ZNF479: variants seen among roughly 807,000 people sequenced by gnomAD.
ZNF479 encodes zinc finger protein 479.
Under a neutral mutation model 14.7 loss-of-function variants are expected in ZNF479, and 15 were observed. The ratio of observed to expected loss-of-function variants is 1.02; its 90% confidence interval spans 0.68 to 1.57. The LOEUF (loss-of-function observed/expected upper bound fraction) is 1.57. Ranked by LOEUF, ZNF479 falls within the 40% of genes most tolerant of loss-of-function variation. The probability of loss-of-function intolerance (pLI) is 0.00; values close to 1 mark genes in which losing one functional copy is unlikely to be tolerated. For missense variants in ZNF479, 506 were observed against 615.1 expected (o/e 0.82, Z 1.88); for synonymous variants, 145 against 211.5 (o/e 0.69, Z 2.73).
At position 57,119,479 on chromosome 7, in the gene ZNF479, C is replaced by T. The variant is rs1172150369; in HGVS notation, c.*361G>A. ...ACAAATCAGCCAGTGTGGTGGCACA[C>T]GCCTGTAATCCCAGCTACTCAGGAG... On this transcript the variant is annotated 3_prime_UTR_variant, in exon 4 of 4. Transcript: ENST00000319636. 14 of 215,330 alleles carry T rather than the reference C, an allele frequency of 6.5e-5. No homozygotes were observed. The highest frequency in any genetic ancestry group is 2.0e-3 in the Middle Eastern group (1 of 492). 13.3% of individuals were successfully genotyped at this position (215,330 alleles called of 1,614,324 possible).
intron 3 of ZNF479, among the ~76,000 whole-genome samples, chr7:57,122,854 T>A (rs1273951536): frequency 1.3e-5 from 2 of 152,100 alleles, no homozygotes; most frequent in Admixed American, 6.6e-5. Context: ...TCTATATGTA[T>A]ATGCATATAT....
chr7:57,129,743 T>C (rs1379878196), intron 1 of ZNF479, among the ~76,000 whole-genome samples: 2 of 152,208 alleles, frequency 1.3e-5, no homozygotes, highest in Non-Finnish European at 1.5e-5. Flanking sequence ...GAATAATTTT[T>C]AGCATTTGGA....
upstream of ZNF479, among the ~76,000 whole-genome samples, chr7:57,135,493 A>G (rs1583951440): frequency 6.6e-6 from 1 of 151,896 alleles, no homozygotes; most frequent in African/African-American, 2.4e-5. Context: ...GCTCACTGCA[A>G]CCTCCACCTC....
In ZNF479 at chr7:57,127,015, C is replaced by CTTTTTTTTTTTT. The variant is rs1175973407; in HGVS notation, c.40-298_40-297insAAAAAAAAAAAA. On this transcript the variant is annotated intron_variant, in intron 1 of 3. Transcript: ENST00000319636. ...ACATGTCTTTTTCTTTTCTGTTTTT[C>CTTTTTTTTTTTT]TTTTTTTTTTCTTTTTTTTTTTTTT... Among the ~76,000 whole-genome samples the CTTTTTTTTTTTT allele has an allele frequency of 2.3e-5, 3 of 130,344 alleles. 1 individual carries two copies. The highest frequency in any genetic ancestry group is 3.4e-5 in the Non-Finnish European group (2 of 59,624). 85.5% of individuals were successfully genotyped at this position (130,344 alleles called of 152,430 possible). A position where few individuals can be genotyped will look rare whatever the true frequency, so the allele number is the denominator to read the frequency against.
At chr7:57,137,424 C>G (rs781743049), upstream of ZNF479, among the ~76,000 whole-genome samples, 9 of 152,140 alleles carry the variant, frequency 5.9e-5, no homozygotes, top group Non-Finnish European at 1.3e-4. Flanking sequence ...CTCGGACTCC[C>G]AAAGTGCTAC....
rs1232026065 is a variant in ZNF479 at position 57,126,668 on chromosome 7, C to T, written c.90G>A (p.Trp30Ter). 2 of 1,613,096 alleles carry T rather than the reference C, an allele frequency of 1.2e-6. No individual in the cohort carries two copies. Among genetic ancestry groups the T allele is most frequent in the African/African-American group, 1.3e-5 (1 of 74,918 alleles). ...TCCGCTGAGCACAATCCAGGCATTG[C>T]CATTCCTCCAGAGAGAATTCTATAG... Reference protein sequence around the residue: ...DIAIEFSLEEWQCLDCAQRNL... With the variant: ...DIAIEFSLEE Residue 30 changes from tryptophan (W) to a stop codon, truncating the protein, a stop_gained, in exon 2 of 4, where the codon TGG (tryptophan) becomes TGA (stop). Transcript: ENST00000319636. LOFTEE classifies it high-confidence loss of function.
chr7:57,130,572 T>C (rs1230115899), intron 1 of ZNF479, among the ~76,000 whole-genome samples: 3 of 151,400 alleles, frequency 2.0e-5, no homozygotes, highest in Non-Finnish European at 4.4e-5. Flanking sequence ...ATAATTCAAA[T>C]AAAAACAATT....
In ZNF479 at chr7:57,120,975, T is replaced by G. The variant is rs1554400469; in HGVS notation, c.440A>C (p.Gln147Pro). ...VHKGGYSEVNQCLSTTQNKIF... is the reference protein window; with the variant it reads ...VHKGGYSEVNPCLSTTQNKIF... ...TTTGTTTTGGGTAGTTGACAAACAT[T>G]GGTTAACTTCACTATAACCTCCCTT... Residue 147 changes from glutamine (Q) to proline (P), a missense_variant, in exon 4 of 4, where the codon CAA becomes CCA. Transcript: ENST00000319636. 1.9e-6 allele frequency: 3 copies of G among 1,614,010 alleles called. No individual in the cohort carries two copies. The African/African-American group carries it at 4.0e-5, about 22-fold the overall frequency.
chr7:57,125,427 T>C (rs1306700503), intron 3 of ZNF479, among the ~76,000 whole-genome samples: 2 of 151,410 alleles, frequency 1.3e-5, no homozygotes, highest in Non-Finnish European at 2.9e-5. Context: ...TGCAACACAG[T>C]AAAATGAAGA....
Position 57,126,038 on chromosome 7 carries a change from T to C in ZNF479, c.242A>G (p.Glu81Gly), listed in dbSNP as rs748747303. Residue 81 changes from glutamate to glycine, a missense_variant, in exon 3 of 4, where the codon GAG (glutamate) becomes GGG (glycine). Coordinates refer to ENST00000319636, the MANE Select transcript of ZNF479 (RefSeq NM_001370129.2). ...CCTACCTGGGTGTTTGGCTACCATCTCATTTCTCTTTATATTCTGGGACTC... is the reference window on the plus strand; with the variant it reads ...CCTACCTGGGTGTTTGGCTACCATCCCATTTCTCTTTATATTCTGGGACTC... Reference protein sequence around the residue: ...NKESQNIKRNEMVAKHPVTRS... With the variant: ...NKESQNIKRNGMVAKHPVTRS... 15 of 1,604,356 alleles carry C rather than the reference T, an allele frequency of 9.3e-6. No homozygotes were observed. Among genetic ancestry groups the C allele is most frequent in the Non-Finnish European group, 1.1e-5 (13 of 1,179,898 alleles).
chr7:57,136,573 T>C (rs1399172172), upstream of ZNF479, among the ~76,000 whole-genome samples: 1 of 152,344 alleles, frequency 6.6e-6, no homozygotes, highest in Non-Finnish European at 1.5e-5. Flanking sequence ...TATGTTATAC[T>C]TAACTCTAAA....
At chr7:57,137,575 T>A (rs1251464720) in intron 1 of ZNF479, among the ~76,000 whole-genome samples, 2 of 152,200 alleles carry the variant, frequency 1.3e-5, no homozygotes. Context: ...TCAAAGGAAG[T>A]ATTGACTCTG....
chr7:57,129,263 T>C (rs1786316086), intron 1 of ZNF479, among the ~76,000 whole-genome samples: 1 of 152,152 alleles, frequency 6.6e-6, no homozygotes, highest in African/African-American at 2.4e-5. Context: ...CTCCTGAAAG[T>C]ATCTTGAACC....
intron 1 of ZNF479, among the ~76,000 whole-genome samples, chr7:57,126,946 A>ACTTTTCTG (rs1483897309): frequency 1.5e-4 from 23 of 152,042 alleles, no homozygotes; most frequent in Non-Finnish European, 2.8e-4. Context: ...TAGATTTGAT[A>ACTTTTCTG]CTTTTCTGGA....
At chr7:57,135,954 A>G (rs986359399), upstream of ZNF479, among the ~76,000 whole-genome samples, 2 of 146,110 alleles carry the variant, frequency 1.4e-5, no homozygotes, top group African/African-American at 2.6e-5. Flanking sequence ...CTGCCCTGCC[A>G]TAGGCAATCT....
chr7:57,128,784 C>G lies in ZNF479; in HGVS notation c.40-2066G>C, dbSNP rs117097789. ...GCACAAGTAGAGAAGTAAAAATTTG[C>G]AAGATCTGAACACAAGGCATTCCAA... On this transcript the variant is annotated intron_variant, in intron 1 of 3. Coordinates refer to ENST00000319636, the MANE Select transcript of ZNF479 (RefSeq NM_001370129.2). 9.9e-3 allele frequency among the ~76,000 whole-genome samples: 1,511 copies of G among 152,290 alleles called. 15 individuals are homozygous for G. The highest frequency in any genetic ancestry group is 0.017 in the Middle Eastern group (5 of 294).
Position 57,120,865 on chromosome 7 carries a change from G to A in ZNF479, c.550C>T (p.His184Tyr), listed in dbSNP as rs1785906209. 4.3e-6 allele frequency: 7 copies of A among 1,613,920 alleles called. No homozygotes were observed. The highest frequency in any genetic ancestry group is 5.1e-6 in the Non-Finnish European group (6 of 1,179,958). Residue 184 changes from histidine to tyrosine, a missense_variant, in exon 4 of 4, where the codon CAT becomes TAT. This residue lies in a region of ZNF479 where 420 missense variants were observed against 474.2 expected (regional missense o/e 0.89). Transcript: ENST00000319636. ...TTGCCATATTTGTTACATTTGAAAT[G>A]TTTATTTCCAGTATATCTTGTTTTA... ...RDKTRYTGNKHFKCNKYGKSF... is the reference protein window; with the variant it reads ...RDKTRYTGNKYFKCNKYGKSF...
chr7:57,121,646 CA>C (rs1785953678), intron 3 of ZNF479, among the ~76,000 whole-genome samples: 1 of 152,122 alleles, frequency 6.6e-6, no homozygotes, highest in Admixed American at 6.5e-5. Flanking sequence ...ATCCTGAGAA[CA>C]TGTTTGTGAG....
intron 3 of ZNF479, among the ~76,000 whole-genome samples, chr7:57,123,700 G>T (rs530783231): frequency 3.8e-4 from 58 of 152,086 alleles, no homozygotes; most frequent in African/African-American, 1.3e-3. Context: ...GAGCATTGTG[G>T]GGTATGCCTC....
Sources: allele counts gnomAD v4.1 joint callset (sites outside exome capture counted in the v4.1 genomes callset), GRCh38; gene constraint gnomAD v4.1.1; regional missense constraint gnomAD v4.1.1; transcripts MANE v1.5; gene names NCBI Gene and HGNC (gene_info 2026-07-23, HGNC 2026-07-21).